PML: variants seen among roughly 807,000 people sequenced by gnomAD.
PML encodes PML nuclear body scaffold.
In PML, 28 loss-of-function variants were observed where a neutral mutation model predicts 65.2. That is an observed-to-expected ratio of 0.43 (90% CI 0.32 to 0.59). The LOEUF (loss-of-function observed/expected upper bound fraction) is 0.59. Among genes scored for constraint, PML ranks in the 20% least tolerant of loss-of-function variants. The pLI is 0.08. For synonymous variants in PML, 500 were observed against 508.8 expected (o/e 0.98, Z 0.23); for missense variants, 1,021 against 1,203.4 (o/e 0.85, Z 2.24).
In PML at chr15:74,043,196, A is replaced by G. The variant is rs1184799481; in HGVS notation, c.1861+57A>G. The G allele has an allele frequency of 1.9e-6, 3 of 1,613,854 alleles. No individual in the cohort carries two copies. Among genetic ancestry groups the G allele is most frequent in the South Asian group, 1.1e-5 (1 of 91,080 alleles). On this transcript the variant is annotated intron_variant, in intron 8 of 8. Coordinates refer to ENST00000268058, the MANE Select transcript of PML (RefSeq NM_033238.3). This position sits in a 1 kb window ranked among gnomAD's most constrained non-coding sequence, Gnocchi z 4.3. ...TCTAATTTAGTCTCTGAGTCCCAAA[A>G]AGAAGTGCAGGCAGAGCCATCTGCC...
At position 74,044,849 on chromosome 15, in the gene PML, G is replaced by GACC; in HGVS notation, c.2496_2498dup (p.Thr833dup). On this transcript the variant is annotated inframe_insertion, in exon 9 of 9. Coordinates refer to ENST00000268058, the MANE Select transcript of PML (RefSeq NM_033238.3). ...AGTACAGCCGCTATCTAAGCCTGCA[G>GACC]ACCACCACGTTGCCCCCTGCCCAGC... The GACC allele has an allele frequency of 6.2e-7, 1 of 1,613,458 alleles. No individual in the cohort carries two copies. Among genetic ancestry groups the GACC allele is most frequent in the Non-Finnish European group, 8.5e-7 (1 of 1,180,024 alleles).
chr15:74,031,376 C>T (rs751890630), intron 4 of PML: 47 of 336,754 alleles, frequency 1.4e-4, no homozygotes, highest in Non-Finnish European at 1.6e-4. Flanking sequence ...AGGGCTCAAG[C>T]GATTCTCATG....
chr15:74,025,123 G>A, intron 4 of PML, 196 bp downstream of exon 4: 1 of 591,832 alleles, frequency 1.7e-6, no homozygotes, highest in Non-Finnish European at 3.1e-6. Context: ...TCTGACTCTA[G>A]GCTCCTAAAT....
At chr15:73,999,681 C>A (rs983975130) in intron 2 of PML, among the ~76,000 whole-genome samples, 1 of 151,458 alleles carries the variant, frequency 6.6e-6, no homozygotes, top group East Asian at 1.9e-4. Context: ...ACAAATTCCT[C>A]GAAAGAAAAA....
chr15:74,005,053 A>C lies in PML; in HGVS notation c.602+6577A>C, dbSNP rs578169691. ...TGATAGCCCTTCATTTGTTTATTTT[A>C]TTTTTTATTTTTATTTTTTGAGACA... On this transcript the variant is annotated intron_variant, in intron 2 of 8. Coordinates refer to ENST00000268058, the MANE Select transcript of PML (RefSeq NM_033238.3). Among the ~76,000 whole-genome samples, 3 of 150,338 alleles carry C rather than the reference A, an allele frequency of 2.0e-5. No individual in the cohort carries two copies. The South Asian group carries it at 6.3e-4, about 32-fold the overall frequency.
In PML at chr15:74,043,059, G is replaced by A. The variant is rs2071727732; in HGVS notation, c.1781G>A (p.Arg594Lys). ...DLQLEGPSTL[R>K]VLDENLADPQ... Reference sequence around the variant, plus strand: ...CAGCTGGAAGGCCCCAGCACCCTCAGGGTCCTGGACGAGAACCTTGCTGAC... The same window carrying A: ...CAGCTGGAAGGCCCCAGCACCCTCAAGGTCCTGGACGAGAACCTTGCTGAC... The change falls in exon 8 of 9, where the codon AGG becomes AAG. Residue 594 changes from arginine to lysine, a missense_variant. Physicochemically the swap from Arg to Lys is conservative, Grantham distance 26. Transcript: ENST00000268058. This position sits in a 1 kb window ranked among gnomAD's most constrained non-coding sequence, Gnocchi z 4.3. 1 of 1,613,446 alleles carries A rather than the reference G, an allele frequency of 6.2e-7. No homozygotes were observed. The highest frequency in any genetic ancestry group is 8.5e-7 in the Non-Finnish European group (1 of 1,179,936).
chr15:74,031,133 A>G (rs1384036163), intron 4 of PML: 3 of 303,298 alleles, frequency 9.9e-6, no homozygotes, highest in Non-Finnish European at 2.0e-5. Flanking sequence ...TGAAGCAGTC[A>G]GTCCCATTTC....
At chr15:74,012,552 C>T (rs1230664384) in intron 2 of PML, among the ~76,000 whole-genome samples, 1 of 152,202 alleles carries the variant, frequency 6.6e-6, no homozygotes, top group African/African-American at 2.4e-5. Flanking sequence ...TCAGGTAATC[C>T]ACCCACCTGG....
At chr15:74,011,536 G>A (rs1436973082) in intron 2 of PML, among the ~76,000 whole-genome samples, 1 of 152,178 alleles carries the variant, frequency 6.6e-6, no homozygotes, top group East Asian at 1.9e-4. Flanking sequence ...GAAGTGCAGG[G>A]GACAGGTTTG....
chr15:74,033,050 G>T, intron 5 of PML, 106 bp from the exon 6 acceptor site: 1 of 1,217,334 alleles, frequency 8.2e-7, no homozygotes, highest in Non-Finnish European at 1.2e-6. Context: ...GAGGAGAGGG[G>T]ACAGCAGGAG....
intron 7 of PML, 145 bp downstream of exon 7, chr15:74,034,675 G>A (rs1445243691): frequency 1.3e-6 from 2 of 1,574,888 alleles, no homozygotes; most frequent in African/African-American, 2.7e-5. Context: ...CTGTGCTGAG[G>A]ACAGTCTCCA....
Position 74,033,152 on chromosome 15 carries a change from G to A in PML, c.1399-4G>A. On this transcript the variant is annotated splice_polypyrimidine_tract_variant and splice_region_variant and intron_variant, in intron 5 of 8. Coordinates refer to ENST00000268058, the MANE Select transcript of PML (RefSeq NM_033238.3). The stretch of plus-strand genomic sequence containing the variant: ...GACCTGGCTCTGTGACTCCCTCTAT[G>A]CAGGATGTCTCCAATACAACGACAG... The A allele has an allele frequency of 6.2e-7, 1 of 1,613,994 alleles. No homozygotes were observed. The highest frequency in any genetic ancestry group is 8.5e-7 in the Non-Finnish European group (1 of 1,179,952).
Position 74,044,300 on chromosome 15 carries a change from C to T in PML, c.1941C>T (p.Ser647=), listed in dbSNP as rs929316186. 6.2e-7 allele frequency: 1 copy of T among 1,614,156 alleles called. No individual in the cohort carries two copies. Among genetic ancestry groups the T allele is most frequent in the Non-Finnish European group, 8.5e-7 (1 of 1,180,020 alleles). Residue 647 remains serine (S), a synonymous_variant, in exon 9 of 9, where the codon AGC becomes AGT. Transcript: ENST00000268058. ...TCATCCAGCCTGAAGCCTTCTTCAG[C>T]ATCTACTCCAAGGCCGTGTCCCTGG... ...RVVIQPEAFF[S]IYSKAVSLEV...
chr15:74,036,742 T>C (rs2071573609), intron 7 of PML, among the ~76,000 whole-genome samples: 1 of 152,092 alleles, frequency 6.6e-6, no homozygotes, highest in South Asian at 2.1e-4. Flanking sequence ...CCTGCCTTCC[T>C]CCTGAGTGAC....
chr15:74,026,413 G>T (rs1240405262), intron 4 of PML: 2 of 152,096 alleles, frequency 1.3e-5, no homozygotes, highest in Non-Finnish European at 2.9e-5. Context: ...CTCATGATCT[G>T]CCCGCCTCGG....
In PML at chr15:74,025,184, G is replaced by A. The variant is rs1177636146; in HGVS notation, c.1254+257G>A. Reference sequence around the variant, plus strand: ...GAGCCAGGTTCAGTGGGGGTTAGATGTGGGGTAGACAGTCGGCCACAGATC... The same window carrying A: ...GAGCCAGGTTCAGTGGGGGTTAGATATGGGGTAGACAGTCGGCCACAGATC... On this transcript the variant is annotated intron_variant, in intron 4 of 8. Coordinates refer to ENST00000268058, the MANE Select transcript of PML (RefSeq NM_033238.3). 1.7e-5 allele frequency: 9 copies of A among 526,576 alleles called. No individual in the cohort carries two copies. The East Asian group carries it at 3.0e-4, about 18-fold the overall frequency. 32.6% of individuals were successfully genotyped at this position (526,576 alleles called of 1,614,324 possible).
chr15:74,014,883 T>A (rs2070498589), intron 2 of PML, among the ~76,000 whole-genome samples: 1 of 152,196 alleles, frequency 6.6e-6, no homozygotes, highest in African/African-American at 2.4e-5. Context: ...GGAACCCACG[T>A]GGCAGTGTAC....
At chr15:74,020,693 C>T (rs2070797168) in intron 2 of PML, among the ~76,000 whole-genome samples, 1 of 152,166 alleles carries the variant, frequency 6.6e-6, no homozygotes, top group Admixed American at 6.5e-5. Context: ...AAACAGGTCT[C>T]ACTGAGGTAT....
intron 2 of PML, among the ~76,000 whole-genome samples, chr15:74,006,878 GC>G (rs2070086958): frequency 6.6e-6 from 1 of 152,130 alleles, no homozygotes; most frequent in Non-Finnish European, 1.5e-5. Context: ...GATGCCAGGC[GC>G]CTTTAAATAA....
Sources: gnomAD v4.1 joint callset for allele counts (sites outside exome capture counted in the v4.1 genomes callset) on GRCh38, gnomAD v4.1.1 for gene constraint, Gnocchi (gnomAD v3.1) non-coding constraint, MANE v1.5 for transcripts, NCBI Gene and HGNC (gene_info 2026-07-23, HGNC 2026-07-21) for gene names.